The following SLIT3 variants were observed in gnomAD, a reference collection of about 807,000 sequenced individuals.
SLIT3 encodes the protein slit homolog 3 protein.
In SLIT3, 68 loss-of-function variants were observed where a neutral mutation model predicts 184.0. The ratio of observed to expected loss-of-function variants is 0.37; its 90% CI spans 0.30 to 0.45. The LOEUF (loss-of-function observed/expected upper bound fraction) is 0.45. Ranked by LOEUF, SLIT3 falls within the 20% of genes least tolerant of loss-of-function variation. SLIT3 has a pLI of 1.00. For synonymous variants in SLIT3, 831 were observed against 828.6 expected (o/e 1.00, Z -0.05); for missense variants, 1,707 against 2,026.0 (o/e 0.84, Z 3.02).
At chr5:169,219,165 C>T (rs1764540469) in intron 3 of SLIT3, among the ~76,000 whole-genome samples, 1 of 152,168 alleles carries the variant, frequency 6.6e-6, no homozygotes, top group South Asian at 2.1e-4. Context: ...CAGCCCTGCC[C>T]AGGGGTGGTT....
intron 14 of SLIT3, among the ~76,000 whole-genome samples, chr5:168,764,664 ACTAC>A (rs1454205859): frequency 2.0e-5 from 3 of 152,150 alleles, no homozygotes; most frequent in African/African-American, 7.2e-5. Flanking sequence ...CTGATGTGAC[ACTAC>A]CTACCTAAGA....
At chr5:169,265,590 C>G (rs546518558) in intron 1 of SLIT3, among the ~76,000 whole-genome samples, 113 of 152,264 alleles carry the variant, frequency 7.4e-4, no homozygotes, top group African/African-American at 2.5e-3. Context: ...AGCCTGGGCT[C>G]AAATCTTAGC....
At chr5:169,015,982 ACAC>A (rs1554090386) in intron 4 of SLIT3, among the ~76,000 whole-genome samples, 2 of 81,344 alleles carry the variant, frequency 2.5e-5, no homozygotes, top group Admixed American at 1.4e-4. Flanking sequence ...ACACACACAC[ACAC>A]AACTTTCTGT....
chr5:169,164,557 C>T (rs1022218725), intron 4 of SLIT3, among the ~76,000 whole-genome samples: 1 of 152,196 alleles, frequency 6.6e-6, no homozygotes, highest in Non-Finnish European at 1.5e-5. Context: ...TTTTCCCATT[C>T]TCTCCGGGCT....
At chr5:168,678,636 T>A (rs982978596) in intron 32 of SLIT3, among the ~76,000 whole-genome samples, 1 of 151,888 alleles carries the variant, frequency 6.6e-6, no homozygotes, top group African/African-American at 2.4e-5. Flanking sequence ...TGAGCCAAGA[T>A]CGCGCTACTG....
Position 168,795,498 on chromosome 5 carries a change from G to T in SLIT3, c.1007+9C>A. On this transcript the variant is annotated intron_variant, in intron 10 of 35. Coordinates refer to ENST00000519560, the MANE Select transcript of SLIT3 (RefSeq NM_003062.4). ...CATTTGGGCCCATTTCTCCACAGGG[G>T]AAACTCACATTCGCTTCAGTTTCTT... 6.2e-7 allele frequency: 1 copy of T among 1,608,252 alleles called. No individual in the cohort carries two copies. The highest frequency in any genetic ancestry group is 8.5e-7 in the Non-Finnish European group (1 of 1,174,792).
intron 20 of SLIT3, among the ~76,000 whole-genome samples, chr5:168,747,362 G>A (rs576041134): frequency 2.0e-5 from 3 of 152,328 alleles, no homozygotes; most frequent in South Asian, 2.1e-4. Context: ...CACGAGCCCC[G>A]TGAGTGTAGG....
intron 4 of SLIT3, among the ~76,000 whole-genome samples, chr5:169,127,482 C>G (rs2113304245): frequency 6.6e-6 from 1 of 152,300 alleles, no homozygotes; most frequent in Middle Eastern, 3.4e-3. Context: ...TCATCTTTGT[C>G]TAAAATCGGA....
intron 4 of SLIT3, among the ~76,000 whole-genome samples, chr5:169,085,993 C>G (rs1479933076): frequency 6.6e-6 from 1 of 152,108 alleles, no homozygotes; most frequent in Non-Finnish European, 1.5e-5. Context: ...GAGGGCTCCC[C>G]AAATCACTTT....
chr5:169,021,534 A>G (rs1409628357), intron 4 of SLIT3, among the ~76,000 whole-genome samples: 3 of 152,074 alleles, frequency 2.0e-5, no homozygotes, highest in African/African-American at 7.2e-5. Flanking sequence ...TATTTTTAGT[A>G]GAGACGGGGT....
chr5:169,163,913 T>C (rs1762554068), intron 4 of SLIT3, among the ~76,000 whole-genome samples: 1 of 152,152 alleles, frequency 6.6e-6, no homozygotes, highest in Non-Finnish European at 1.5e-5. Context: ...CCTTTGGGCC[T>C]GGGCAGAGGT....
chr5:168,843,219 ATCACCTTCCTC>A (rs1421423579), intron 6 of SLIT3, among the ~76,000 whole-genome samples: 22 of 152,074 alleles, frequency 1.4e-4, no homozygotes, highest in African/African-American at 2.4e-5. Flanking sequence ...TCCTCTTGGA[ATCACCTTCCTC>A]TCAAATAATG....
At chr5:169,084,454 A>AATT (rs1296212095) in intron 4 of SLIT3, among the ~76,000 whole-genome samples, 3 of 101,418 alleles carry the variant, frequency 3.0e-5, no homozygotes, top group African/African-American at 1.2e-4. Context: ...CCATGCCCAG[A>AATT]TTTTTTTTTT....
chr5:168,984,041 C>T (rs1362424374), intron 4 of SLIT3, among the ~76,000 whole-genome samples: 1 of 151,186 alleles, frequency 6.6e-6, no homozygotes, highest in Non-Finnish European at 1.5e-5. Context: ...GAGAGAGAAA[C>T]CCTGTCTCAA....
chr5:169,024,766 T>C (rs1364257315), intron 4 of SLIT3: 1 of 152,060 alleles, frequency 6.6e-6, no homozygotes, highest in East Asian at 1.9e-4. Flanking sequence ...CCCTTGCCTG[T>C]CTTTAAGGAA....
chr5:169,199,325 A>G (rs1426692684), intron 3 of SLIT3, among the ~76,000 whole-genome samples: 1 of 152,044 alleles, frequency 6.6e-6, no homozygotes, highest in Non-Finnish European at 1.5e-5. Flanking sequence ...GGGTTTTGTG[A>G]CAGGATGTAC....
chr5:168,915,878 C>T (rs1037101471), intron 4 of SLIT3, among the ~76,000 whole-genome samples: 2 of 152,124 alleles, frequency 1.3e-5, no homozygotes, highest in African/African-American at 4.8e-5. Context: ...ATTTTTAGGA[C>T]AACTGAGGGA....
At position 168,662,095 on chromosome 5, in the gene SLIT3, G is replaced by A. The variant is rs1446457734; in HGVS notation, c.*4359C>T. ...TATGCCCTCTGCTTCCCCATCATGTGGGGACCATCTGCCTGGACATCCACT... is the reference window on the plus strand; with the variant it reads ...TATGCCCTCTGCTTCCCCATCATGTAGGGACCATCTGCCTGGACATCCACT... On this transcript the variant is annotated 3_prime_UTR_variant, in exon 36 of 36. Transcript: ENST00000519560. 2 of 152,362 alleles carry A rather than the reference G, an allele frequency of 1.3e-5. No individual in the cohort carries two copies. The highest frequency in any genetic ancestry group is 2.4e-5 in the African/African-American group (1 of 41,568). The allele number at this position is 152,362 out of a possible 1,614,324, so 9.4% of individuals were successfully genotyped here. A position where few individuals can be genotyped will look rare whatever the true frequency, so the allele number is the denominator to read the frequency against.
At chr5:169,003,738 T>A (rs1209714511) in intron 4 of SLIT3, among the ~76,000 whole-genome samples, 2 of 152,242 alleles carry the variant, frequency 1.3e-5, no homozygotes, top group Non-Finnish European at 1.5e-5. Context: ...TCTCTTTTTT[T>A]CCTTAAGGCT....
Sources: allele counts gnomAD v4.1 joint callset (sites outside exome capture counted in the v4.1 genomes callset), GRCh38; gene constraint gnomAD v4.1.1; transcripts MANE v1.5; gene names NCBI Gene and HGNC (gene_info 2026-07-23, HGNC 2026-07-21).